BABAM2: variants seen among roughly 807,000 people sequenced by gnomAD.
BABAM2 encodes BRISC and BRCA1-A complex member 2.
Under a neutral mutation model 54.7 loss-of-function variants are expected in BABAM2, and 31 were observed. That is an observed-to-expected ratio of 0.57 (90% CI 0.43 to 0.77). The LOEUF (loss-of-function observed/expected upper bound fraction) is 0.77. Ranked by LOEUF, BABAM2 falls within the 30% of genes least tolerant of loss-of-function variation. The pLI, the probability that BABAM2 is intolerant of heterozygous loss-of-function variation, is 0.00. For synonymous variants in BABAM2, 167 were observed against 162.9 expected (o/e 1.03, Z -0.19); for missense variants, 364 against 455.8 (o/e 0.80, Z 1.83).
intron 4 of BABAM2, among the ~76,000 whole-genome samples, chr2:27,989,851 A>C (rs1257438667): frequency 1.3e-5 from 2 of 152,250 alleles, no homozygotes; most frequent in Non-Finnish European, 2.9e-5. Flanking sequence ...AATATTTGGC[A>C]AGTATTGTGT....
intron 4 of BABAM2, among the ~76,000 whole-genome samples, chr2:28,019,658 G>A (rs1483624186): frequency 1.3e-5 from 2 of 152,136 alleles, no homozygotes; most frequent in African/African-American, 4.8e-5. Flanking sequence ...TCCACCTTGA[G>A]TTGATTTTCA....
At chr2:28,033,547 G>A (rs1023887134) in intron 5 of BABAM2, among the ~76,000 whole-genome samples, 1 of 152,030 alleles carries the variant, frequency 6.6e-6, no homozygotes, top group African/African-American at 2.4e-5. Context: ...CTCTCTTCTT[G>A]TAAAGCCGCC....
intron 6 of BABAM2, among the ~76,000 whole-genome samples, chr2:28,098,241 A>G (rs1666787513): frequency 6.6e-6 from 1 of 152,198 alleles, no homozygotes; most frequent in South Asian, 2.1e-4. Flanking sequence ...ACTTTATGTC[A>G]TCTTTGAATA....
chr2:28,139,612 C>G (rs1314032393), intron 7 of BABAM2, among the ~76,000 whole-genome samples: 1 of 152,038 alleles, frequency 6.6e-6, no homozygotes, highest in Non-Finnish European at 1.5e-5. Flanking sequence ...TATTCAACAC[C>G]TCTTAGTGTT....
intron 3 of BABAM2, among the ~76,000 whole-genome samples, chr2:27,974,896 T>G (rs1671481239): frequency 6.6e-6 from 1 of 152,104 alleles, no homozygotes; most frequent in African/African-American, 2.4e-5. Context: ...GGTTACAGGA[T>G]GTAAGATCAG....
intron 3 of BABAM2, among the ~76,000 whole-genome samples, chr2:27,947,917 T>C (rs911243911): frequency 6.6e-6 from 1 of 152,186 alleles, no homozygotes; most frequent in African/African-American, 2.4e-5. Context: ...GTGAGCATTT[T>C]TCTTAACTTT....
chr2:27,975,965 A>C (rs1329337228), intron 3 of BABAM2, among the ~76,000 whole-genome samples: 1 of 152,144 alleles, frequency 6.6e-6, no homozygotes, highest in Non-Finnish European at 1.5e-5. Context: ...TTTATTAGTC[A>C]TTAGGAAAAT....
At chr2:27,926,835 C>T (rs1667741332) in intron 2 of BABAM2, among the ~76,000 whole-genome samples, 1 of 151,604 alleles carries the variant, frequency 6.6e-6, no homozygotes, top group South Asian at 2.1e-4. Flanking sequence ...AGGAATTGTA[C>T]ATATTTATGG....
At chr2:28,139,201 G>A (rs12467834) in intron 7 of BABAM2, among the ~76,000 whole-genome samples, 37,232 of 151,526 alleles carry the variant, frequency 0.25, 5,439 homozygotes, top group East Asian at 0.55. Flanking sequence ...TCCGAGGCAG[G>A]GGGATCACTA....
chr2:28,081,635 C>T (rs1275321024), intron 6 of BABAM2, among the ~76,000 whole-genome samples: 3 of 152,156 alleles, frequency 2.0e-5, no homozygotes, highest in East Asian at 1.9e-4. Context: ...CCCTTCTCAG[C>T]GTTTCTTAAT....
In BABAM2 at chr2:27,950,841, C is replaced by T. The variant is rs550809187; in HGVS notation, c.205+20933C>T. Reference sequence around the variant, plus strand: ...TTTGCTTAATAGATTTAGATCTATTCAGATTATCTACTTCATCTTGAATGA... The same window carrying T: ...TTTGCTTAATAGATTTAGATCTATTTAGATTATCTACTTCATCTTGAATGA... On this transcript the variant is annotated intron_variant, in intron 3 of 11. Coordinates refer to ENST00000379624, the MANE Select transcript of BABAM2 (RefSeq NM_199191.3). Among the ~76,000 whole-genome samples, 5 of 152,194 alleles carry T rather than the reference C, an allele frequency of 3.3e-5. No homozygotes were observed. In the South Asian group the frequency reaches 1.0e-3, roughly 32 times the overall value.
chr2:28,172,731 A>G (rs146986416), intron 7 of BABAM2, among the ~76,000 whole-genome samples: 39 of 152,298 alleles, frequency 2.6e-4, no homozygotes, highest in East Asian at 7.7e-4. Flanking sequence ...TAGAAGAAAA[A>G]CATCAAGTTC....
rs574331807 is a variant in BABAM2 at position 28,273,787 on chromosome 2, C to T, written c.935-24551C>T. On this transcript the variant is annotated intron_variant, in intron 10 of 11. Transcript: ENST00000379624. The stretch of plus-strand genomic sequence containing the variant: ...CCAGCAAGTGTGGAGGCTACACAGG[C>T]AGTCAAAGGAGCACCCATCTTAGTC... Among the ~76,000 whole-genome samples, 80 of 152,254 alleles carry T rather than the reference C, an allele frequency of 5.3e-4. 1 individual carries two copies. Among genetic ancestry groups the T allele is most frequent in the African/African-American group, 1.7e-3 (72 of 41,550 alleles).
intron 3 of BABAM2, among the ~76,000 whole-genome samples, chr2:27,965,306 T>C (rs1209779624): frequency 2.0e-5 from 3 of 152,220 alleles, no homozygotes; most frequent in South Asian, 2.1e-4. Context: ...ATATGTGGAG[T>C]CTTGGAGAAA....
intron 11 of BABAM2, among the ~76,000 whole-genome samples, chr2:28,319,807 G>A (rs923344914): frequency 1.3e-5 from 2 of 152,216 alleles, no homozygotes; most frequent in African/African-American, 4.8e-5. Context: ...GAGTGCACAT[G>A]ATTTTCCACA....
intron 5 of BABAM2, among the ~76,000 whole-genome samples, chr2:28,029,754 T>G (rs1676160596): frequency 6.6e-6 from 1 of 152,204 alleles, no homozygotes; most frequent in Non-Finnish European, 1.5e-5. Flanking sequence ...ATCCTATTTT[T>G]AATTTTTTGA....
In BABAM2 at chr2:28,269,588, C is replaced by A. The variant is rs558896281; in HGVS notation, c.934+24726C>A. Among the ~76,000 whole-genome samples, 7 of 152,268 alleles carry A rather than the reference C, an allele frequency of 4.6e-5. No individual in the cohort carries two copies. In the East Asian group the frequency reaches 1.4e-3, roughly 29 times the overall value. On this transcript the variant is annotated intron_variant, in intron 10 of 11. Transcript: ENST00000379624. ...AAATGTTCCCTTCTCATACAGCAAACCTTTTGTAAAAGGGAAACAGACTCC... is the reference window on the plus strand; with the variant it reads ...AAATGTTCCCTTCTCATACAGCAAAACTTTTGTAAAAGGGAAACAGACTCC...
chr2:28,169,775 CA>C (rs200601294), intron 7 of BABAM2, among the ~76,000 whole-genome samples: 34,976 of 100,644 alleles, frequency 0.35, 4,066 homozygotes, highest in South Asian at 0.5. Flanking sequence ...GACTCTGTCT[CA>C]AAAAAAAAAA....
At chr2:27,956,940 C>G (rs1322508882) in intron 3 of BABAM2, among the ~76,000 whole-genome samples, 1 of 152,154 alleles carries the variant, frequency 6.6e-6, no homozygotes, top group East Asian at 1.9e-4. Context: ...GCTTTTGATT[C>G]TGTCCTTGGG....
Sources: gnomAD v4.1 joint callset for allele counts (sites outside exome capture counted in the v4.1 genomes callset) on GRCh38, gnomAD v4.1.1 for gene constraint, MANE v1.5 for transcripts, NCBI Gene and HGNC (gene_info 2026-07-23, HGNC 2026-07-21) for gene names.